Variants in LRRC71 observed in about 807,000 individuals in gnomAD.
LRRC71 encodes leucine rich repeat containing 71.
A neutral mutation model predicts 66.6 loss-of-function variants in LRRC71; 54 were observed. The observed-to-expected ratio is 0.81, with a 90% confidence interval of 0.65 to 1.02. The LOEUF (loss-of-function observed/expected upper bound fraction) is 1.02. Among genes scored for constraint, LRRC71 ranks in the 50% least tolerant of loss-of-function variants. The probability of loss-of-function intolerance (pLI) is 0.00; values close to 1 mark genes in which losing one functional copy is unlikely to be tolerated. For synonymous variants in LRRC71, 323 were observed against 303.9 expected (o/e 1.06, Z -0.65); for missense variants, 724 against 718.0 (o/e 1.01, Z -0.10).
At chr1:156,921,628 T>C (rs1280225430) in intron 1 of LRRC71, 2 of 985,040 alleles carry the variant, frequency 2.0e-6, no homozygotes, top group African/African-American at 1.8e-5. Context: ...GAAGGAATTA[T>C]AGGAGCTGGA....
At chr1:156,924,206 TGA>T in intron 2 of LRRC71, 108 bp downstream of exon 2, 1 of 1,326,852 alleles carries the variant, frequency 7.5e-7, no homozygotes, top group Non-Finnish European at 1.0e-6. Context: ...TGTGTGTGTG[TGA>T]GTCGGCGGTA....
At chr1:156,930,103 T>TG (rs1000294787) in intron 11 of LRRC71, among the ~76,000 whole-genome samples, 1 of 142,986 alleles carries the variant, frequency 7.0e-6, no homozygotes, top group Non-Finnish European at 1.5e-5. Flanking sequence ...CTCTCTCTTT[T>TG]TTTTTTTTTG....
chr1:156,930,828 G>A (rs1230635197), intron 12 of LRRC71, among the ~76,000 whole-genome samples: 5 of 152,202 alleles, frequency 3.3e-5, no homozygotes, highest in Non-Finnish European at 7.3e-5. Context: ...AATAACAAGA[G>A]CAGACCCCTT....
chr1:156,935,811 G>A (rs1332020281), downstream of LRRC71: 2 of 634,216 alleles, frequency 3.2e-6, no homozygotes, highest in Non-Finnish European at 5.4e-6. Context: ...AAAAGACACT[G>A]AAACCTGACT....
chr1:156,928,003 C>A lies in LRRC71; in HGVS notation c.995C>A (p.Ser332Ter). 1 of 1,593,898 alleles carries A rather than the reference C, an allele frequency of 6.3e-7. No homozygotes were observed. The highest frequency in any genetic ancestry group is 8.5e-7 in the Non-Finnish European group (1 of 1,171,798). The change falls in exon 9 of 15, where the codon TCG becomes TAG. Residue 332 changes from serine to a stop codon, truncating the protein, a stop_gained and splice_region_variant. Transcript: ENST00000337428. LOFTEE classifies it high-confidence loss of function. ...AAAGGGACACAGGAGCGCTCGCGAT[C>A]GGTGAGGAGCTACCAGGCCCCAGGA... ...LEKGTQERSRSPSSSRHGDSK... is the reference protein window; with the variant it reads ...LEKGTQERSR
intron 9 of LRRC71, 46 bp downstream of exon 9, chr1:156,928,050 C>G (rs763935158): frequency 2.6e-6 from 4 of 1,529,196 alleles, no homozygotes; most frequent in South Asian, 1.2e-5. Context: ...CCCCTCTGAC[C>G]CTCGAGCCCA....
At chr1:156,932,398 G>A (rs1654508261) in intron 13 of LRRC71, 26 bp from the exon 14 acceptor site, 7 of 1,597,572 alleles carry the variant, frequency 4.4e-6, no homozygotes, top group Non-Finnish European at 6.0e-6. Flanking sequence ...GGTGCTAAGA[G>A]GCCACCTGTC....
intron 5 of LRRC71, among the ~76,000 whole-genome samples, chr1:156,926,594 A>G (rs1344000399): frequency 3.2e-5 from 4 of 126,394 alleles, no homozygotes; most frequent in Admixed American, 8.9e-5. Flanking sequence ...TTTTTTTTGG[A>G]GACAGAGTCT....
downstream of LRRC71, among the ~76,000 whole-genome samples, chr1:156,936,525 T>TAA (rs1655354650): frequency 2.7e-5 from 3 of 110,506 alleles, no homozygotes; most frequent in African/African-American, 3.7e-5. Flanking sequence ...TATATATATA[T>TAA]AAAATTAAAA....
At chr1:156,937,406 C>T (rs373746415), downstream of LRRC71, 3 of 1,593,936 alleles carry the variant, frequency 1.9e-6, no homozygotes, top group Admixed American at 1.7e-5. Flanking sequence ...TGCAGGGAGG[C>T]TGTCAGGCTG....
intron 1 of LRRC71, among the ~76,000 whole-genome samples, chr1:156,923,297 A>G (rs1245830775): frequency 6.6e-6 from 1 of 152,220 alleles, no homozygotes; most frequent in East Asian, 1.9e-4. Context: ...GGAGCCAGAA[A>G]GAGCAAGTGT....
Position 156,930,615 on chromosome 1 carries a change from G to A in LRRC71, c.1327G>A (p.Glu443Lys), listed in dbSNP as rs568071610. 2.1e-5 allele frequency: 32 copies of A among 1,559,264 alleles called. No individual in the cohort carries two copies. In the Middle Eastern group the frequency reaches 5.0e-4, roughly 24 times the overall value. The change falls in exon 12 of 15, where the codon GAG (glutamate) becomes AAG (lysine). Residue 443 changes from glutamate (E) to lysine (K), a missense_variant and splice_region_variant. Glu to Lys is a moderately conservative substitution (Grantham distance 56, BLOSUM62 1). Coordinates refer to ENST00000337428, the MANE Select transcript of LRRC71 (RefSeq NM_144702.3). ...GAAGCGCAGCATCCTCCTGGAGTCC[G>A]AGGTAAGTTGCCAGGAGGAGTGGAG... is the stretch of plus-strand genomic sequence containing the variant. The part of the protein sequence containing the change: ...REKRSILLES[E>K]LVVEATEVVN...
intron 5 of LRRC71, 154 bp from the exon 6 acceptor site, chr1:156,927,048 C>T (rs1376215676): frequency 4.4e-6 from 3 of 683,642 alleles, no homozygotes; most frequent in Non-Finnish European, 7.4e-6. Flanking sequence ...AATTTTTAGT[C>T]TGGGGAATTG....
intron 5 of LRRC71, among the ~76,000 whole-genome samples, chr1:156,925,773 G>A (rs887755399): frequency 6.6e-6 from 1 of 152,238 alleles, no homozygotes; most frequent in South Asian, 2.1e-4. Flanking sequence ...GCAGTGGCTT[G>A]CCTGTCTTCC....
intron 3 of LRRC71, 40 bp downstream of exon 3, chr1:156,924,592 CTCCCCTGGA>C: frequency 6.5e-7 from 1 of 1,542,418 alleles, no homozygotes; most frequent in South Asian, 1.2e-5. Context: ...CTCCCTCCCG[CTCCCCTGGA>C]GCCTCCCAGG....
At chr1:156,930,099 C>CT (rs5778012) in intron 11 of LRRC71, among the ~76,000 whole-genome samples, 70,429 of 113,016 alleles carry the variant, frequency 0.62, 19,722 homozygotes, top group South Asian at 0.8. Flanking sequence ...CTTTCTCTCT[C>CT]TTTTTTTTTT....
At chr1:156,937,527 A>G (rs1471495953), downstream of LRRC71, 1 of 1,505,072 alleles carries the variant, frequency 6.6e-7, no homozygotes, top group Non-Finnish European at 8.9e-7. Flanking sequence ...TGAGATCAGG[A>G]GGCAAACAGA....
intron 9 of LRRC71, 143 bp downstream of exon 9, chr1:156,928,147 C>A: frequency 1.2e-6 from 1 of 849,994 alleles, no homozygotes; most frequent in Non-Finnish European, 1.8e-6. Flanking sequence ...CCGATTTCTG[C>A]ACAGACTTTT....
chr1:156,924,347 C>G, intron 2 of LRRC71, 77 bp from the exon 3 acceptor site: 1 of 1,505,148 alleles, frequency 6.6e-7, no homozygotes, highest in Non-Finnish European at 8.9e-7. Context: ...TCCAATCCCA[C>G]CCGGGCACCC....
Sources: gnomAD v4.1 joint callset for allele counts (sites outside exome capture counted in the v4.1 genomes callset) on GRCh38, gnomAD v4.1.1 for gene constraint, MANE v1.5 for transcripts, NCBI Gene and HGNC (gene_info 2026-07-23, HGNC 2026-07-21) for gene names.